DOCK9: variants seen among roughly 807,000 people sequenced by gnomAD.
DOCK9 encodes the protein dedicator of cytokinesis protein 9.
In DOCK9, 89 loss-of-function variants were observed where a neutral mutation model predicts 263.3. That is an observed-to-expected ratio of 0.34 (90% CI 0.28 to 0.40). The LOEUF is 0.40. DOCK9 is among the 10% of genes least tolerant of loss of function. The probability of loss-of-function intolerance (pLI) is 1.00; values close to 1 mark genes in which losing one functional copy is unlikely to be tolerated. For synonymous variants in DOCK9, 976 were observed against 973.1 expected (o/e 1.00, Z -0.06); for missense variants, 2,140 against 2,603.4 (o/e 0.82, Z 3.87).
At chr13:98,926,426 CAT>C (rs1305608790) in intron 3 of DOCK9, among the ~76,000 whole-genome samples, 6 of 152,060 alleles carry the variant, frequency 3.9e-5, no homozygotes, top group Non-Finnish European at 8.8e-5. Context: ...TAGGAAGAAA[CAT>C]ATGCATTCCA....
chr13:98,877,382 T>C (rs1171322304), intron 27 of DOCK9, among the ~76,000 whole-genome samples: 2 of 152,180 alleles, frequency 1.3e-5, no homozygotes, highest in Non-Finnish European at 2.9e-5. Flanking sequence ...CTCAGAAAGG[T>C]GTCACTGGCG....
chr13:98,808,596 A>T, intron 47 of DOCK9: 1 of 1,384,950 alleles, frequency 7.2e-7, no homozygotes, highest in Non-Finnish European at 1.0e-6. Context: ...TAGACGCAGT[A>T]ATTTCACTAT....
At chr13:98,871,971 C>T (rs1388292995) in intron 27 of DOCK9, 1 of 152,882 alleles carries the variant, frequency 6.5e-6, no homozygotes, top group Non-Finnish European at 1.5e-5. Context: ...AAGACCCACA[C>T]TCAGCCTGGC....
intron 49 of DOCK9, among the ~76,000 whole-genome samples, chr13:98,801,085 C>T (rs1400482723): frequency 6.6e-6 from 1 of 152,038 alleles, no homozygotes; most frequent in Non-Finnish European, 1.5e-5. Context: ...TTAAGACCAG[C>T]CTGGGCAACA....
At chr13:98,907,684 A>G (rs9584968) in intron 9 of DOCK9, among the ~76,000 whole-genome samples, 1 of 152,178 alleles carries the variant, frequency 6.6e-6, no homozygotes, top group Non-Finnish European at 1.5e-5. Context: ...GATAAATAAA[A>G]AGCAAATTCG....
chr13:98,919,289 T>C (rs2051460551), intron 7 of DOCK9, among the ~76,000 whole-genome samples: 2 of 152,116 alleles, frequency 1.3e-5, no homozygotes, highest in Non-Finnish European at 2.9e-5. Flanking sequence ...TTTGTATTTT[T>C]AGTAGAGACG....
chr13:98,906,954 A>C (rs1461823827), intron 9 of DOCK9, among the ~76,000 whole-genome samples: 1 of 152,114 alleles, frequency 6.6e-6, no homozygotes, highest in African/African-American at 2.4e-5. Flanking sequence ...GATGCTATCG[A>C]TGGGAGCCTG....
intron 9 of DOCK9, among the ~76,000 whole-genome samples, chr13:98,906,765 G>T (rs2049171497): frequency 6.6e-6 from 1 of 152,172 alleles, no homozygotes; most frequent in South Asian, 2.1e-4. Context: ...AAACTACCAT[G>T]ATCAGCTGTC....
intron 27 of DOCK9, among the ~76,000 whole-genome samples, chr13:98,872,275 A>G (rs751131144): frequency 2.4e-4 from 36 of 152,120 alleles, no homozygotes; most frequent in Non-Finnish European, 4.7e-4. Flanking sequence ...AGCAAACAAC[A>G]AAAGTAATGG....
intron 45 of DOCK9, among the ~76,000 whole-genome samples, chr13:98,814,977 A>ACAT (rs55948659): frequency 1.0e-5 from 1 of 96,454 alleles, no homozygotes; most frequent in Non-Finnish European, 2.6e-5. Flanking sequence ...AAATAAAATA[A>ACAT]AATAAAATAA....
At position 98,829,499 on chromosome 13, in the gene DOCK9, C is replaced by T; in HGVS notation, c.4773G>A (p.Val1591=). The change falls in exon 43 of 53, where the codon GTG becomes GTA. Residue 1591 remains valine (V), a synonymous_variant. Transcript: ENST00000682017. This position sits in a 1 kb window ranked among gnomAD's most constrained non-coding sequence, Gnocchi z 4.1. ...TGCGTATCCTTTTGGTTAAGTCCTTCACATCAGAGGAGAAGCTGGTGTGCT... is the reference window on the plus strand; with the variant it reads ...TGCGTATCCTTTTGGTTAAGTCCTTTACATCAGAGGAGAAGCTGGTGTGCT... ...LIKHTSFSSD[V]KDLTKRIRTV... The T allele has an allele frequency of 6.2e-7, 1 of 1,613,596 alleles. No individual in the cohort carries two copies. Among genetic ancestry groups the T allele is most frequent in the South Asian group, 1.1e-5 (1 of 90,914 alleles).
At chr13:99,030,879 C>T (rs1244688044) in intron 1 of DOCK9, among the ~76,000 whole-genome samples, 1 of 152,146 alleles carries the variant, frequency 6.6e-6, no homozygotes, top group African/African-American at 2.4e-5. Context: ...CAAAAACATG[C>T]AAATTCTTTC....
intron 22 of DOCK9, 148 bp from the exon 23 acceptor site, chr13:98,883,279 G>T: frequency 1.3e-6 from 1 of 763,222 alleles, no homozygotes; most frequent in Non-Finnish European, 2.1e-6. Flanking sequence ...ACAGAGTCTT[G>T]CTCTGTCGCC....
At chr13:98,805,249 G>A (rs1168137832) in intron 48 of DOCK9, 40 bp from the exon 49 acceptor site, 3 of 1,507,630 alleles carry the variant, frequency 2.0e-6, no homozygotes, top group South Asian at 2.4e-5. Context: ...GGTGCTCCAT[G>A]AAGGAATCAC....
rs978340716 is a variant in DOCK9, at chr13:98,825,137, T to C, written c.5024-633A>G. On this transcript the variant is annotated intron_variant, in intron 44 of 52. Coordinates refer to ENST00000682017, the MANE Select transcript of DOCK9 (RefSeq NM_001366683.2). This position sits in a 1 kb window ranked among gnomAD's most constrained non-coding sequence, Gnocchi z 4.1. Reference sequence around the variant, plus strand: ...TCTGATTCTCCAAGAGGAAATGGTGTTAGCTTAGAGGCAGGATCAATGTCT... The same window carrying C: ...TCTGATTCTCCAAGAGGAAATGGTGCTAGCTTAGAGGCAGGATCAATGTCT... 3.9e-5 allele frequency among the ~76,000 whole-genome samples: 6 copies of C among 152,202 alleles called. No homozygotes were observed. The highest frequency in any genetic ancestry group is 1.2e-4 in the African/African-American group (5 of 41,450).
chr13:99,045,077 C>A (rs543739319), intron 1 of DOCK9, among the ~76,000 whole-genome samples: 4 of 152,270 alleles, frequency 2.6e-5, no homozygotes, highest in African/African-American at 7.2e-5. Context: ...ATTAGTGAAG[C>A]CACTGTGGAA....
intron 2 of DOCK9, among the ~76,000 whole-genome samples, chr13:98,935,600 C>G (rs1485403105): frequency 6.6e-6 from 1 of 152,190 alleles, no homozygotes; most frequent in Non-Finnish European, 1.5e-5. Context: ...GAAACCCCAT[C>G]TCTACCAAAA....
intron 27 of DOCK9, among the ~76,000 whole-genome samples, chr13:98,870,019 C>T (rs575585613): frequency 8.5e-5 from 13 of 152,300 alleles, no homozygotes; most frequent in Non-Finnish European, 1.5e-4. Context: ...TCATGATTGT[C>T]CAAGAGAGAA....
intron 1 of DOCK9, among the ~76,000 whole-genome samples, chr13:99,022,793 T>C (rs1369447380): frequency 6.6e-6 from 1 of 151,928 alleles, no homozygotes; most frequent in Admixed American, 6.6e-5. Context: ...AAAAGAAATT[T>C]GAAAATTGGC....
Sources: gnomAD v4.1 joint callset for allele counts (sites outside exome capture counted in the v4.1 genomes callset) on GRCh38, gnomAD v4.1.1 for gene constraint, Gnocchi (gnomAD v3.1) non-coding constraint, MANE v1.5 for transcripts, NCBI Gene and HGNC (gene_info 2026-07-23, HGNC 2026-07-21) for gene names.